Variants in PTPRD observed in about 807,000 individuals in gnomAD.
The protein encoded by PTPRD is protein tyrosine phosphatase receptor type D.
Under a neutral mutation model 214.5 loss-of-function variants are expected in PTPRD, and 34 were observed. The ratio of observed to expected loss-of-function variants is 0.16; its 90% CI spans 0.12 to 0.21. PTPRD has a LOEUF of 0.21. Among genes scored for constraint, PTPRD ranks in the 10% least tolerant of loss-of-function variants. The pLI, the probability that PTPRD is intolerant of heterozygous loss-of-function variation, is 1.00. For missense variants in PTPRD, 2,545 were observed against 2,398.7 expected, an observed-to-expected ratio of 1.06 and a Z score of -1.27; for synonymous variants, 1,128 against 845.7, an observed-to-expected ratio of 1.33 and a Z score of -5.79.
At chr9:9,892,556 G>A (rs967718679) in intron 5 of PTPRD, among the ~76,000 whole-genome samples, 1 of 152,096 alleles carries the variant, frequency 6.6e-6, no homozygotes, top group Non-Finnish European at 1.5e-5. Context: ...TTACTAGTAA[G>A]ATGGAAAAAC....
At chr9:10,480,904 A>C (rs2099093398) in intron 2 of PTPRD, among the ~76,000 whole-genome samples, 1 of 152,180 alleles carries the variant, frequency 6.6e-6, no homozygotes, top group Admixed American at 6.5e-5. Context: ...CCTGATAAAA[A>C]TGCTTAAACT....
Position 10,400,105 on chromosome 9 carries a change from A to G in PTPRD, c.-599-59088T>C, listed in dbSNP as rs964764046. Among the ~76,000 whole-genome samples the G allele has an allele frequency of 2.6e-5, 4 of 152,006 alleles. No individual in the cohort carries two copies. The East Asian group carries it at 7.8e-4, about 30-fold the overall frequency. On this transcript the variant is annotated intron_variant, in intron 2 of 45. Coordinates refer to ENST00000381196, the MANE Select transcript of PTPRD (RefSeq NM_002839.4). Reference sequence around the variant, plus strand: ...ATATAGTGGTTAAGCATGTGTTCACAGAAGCCAGAGGAAATACATTCAATT... The same window carrying G: ...ATATAGTGGTTAAGCATGTGTTCACGGAAGCCAGAGGAAATACATTCAATT...
intron 3 of PTPRD, among the ~76,000 whole-genome samples, chr9:10,314,354 A>T (rs1025814950): frequency 2.0e-5 from 3 of 151,944 alleles, no homozygotes; most frequent in Non-Finnish European, 2.9e-5. Flanking sequence ...TCACTTTTTT[A>T]CAGGTGAAGG....
chr9:9,594,650 C>T (rs1001038941), intron 7 of PTPRD, among the ~76,000 whole-genome samples: 1 of 152,082 alleles, frequency 6.6e-6, no homozygotes, highest in East Asian at 1.9e-4. Flanking sequence ...TTAACAGTAC[C>T]ATGCTGTTTT....
intron 7 of PTPRD, among the ~76,000 whole-genome samples, chr9:9,622,002 C>T: frequency 6.6e-6 from 1 of 152,168 alleles, no homozygotes; most frequent in East Asian, 1.9e-4. Flanking sequence ...GTCATCTCTA[C>T]AAAGTAAGAA....
chr9:9,043,262 T>C (rs545577704), intron 10 of PTPRD, among the ~76,000 whole-genome samples: 1 of 152,314 alleles, frequency 6.6e-6, no homozygotes, highest in Non-Finnish European at 1.5e-5. Context: ...GAAGTTTTGA[T>C]TAACATCTTG....
At chr9:9,028,882 A>AGT (rs2099595702) in intron 10 of PTPRD, among the ~76,000 whole-genome samples, 2 of 151,166 alleles carry the variant, frequency 1.3e-5, no homozygotes, top group South Asian at 4.2e-4. Context: ...TTTAATTACG[A>AGT]TCGAAGGAGA....
At chr9:10,148,131 G>A (rs868026780) in intron 3 of PTPRD, among the ~76,000 whole-genome samples, 1 of 152,094 alleles carries the variant, frequency 6.6e-6, no homozygotes, top group Admixed American at 6.6e-5. Context: ...ATGGCTATGA[G>A]ACAGCTATAC....
chr9:10,598,179 T>C lies in PTPRD; in HGVS notation c.-600+14219A>G, dbSNP rs1270207731. Among the ~76,000 whole-genome samples, 8 of 151,854 alleles carry C rather than the reference T, an allele frequency of 5.3e-5. 1 individual carries two copies. In the East Asian group the frequency reaches 1.2e-3, roughly 22 times the overall value. Reference sequence around the variant, plus strand: ...GTGAATTATAACTGTAGAGTATCAGTGTTGTTTTTGTTATTATTTGATTTT... The same window carrying C: ...GTGAATTATAACTGTAGAGTATCAGCGTTGTTTTTGTTATTATTTGATTTT... On this transcript the variant is annotated intron_variant, in intron 2 of 45. Coordinates refer to ENST00000381196, the MANE Select transcript of PTPRD (RefSeq NM_002839.4).
chr9:10,188,909 G>T (rs1335381306), intron 3 of PTPRD, among the ~76,000 whole-genome samples: 1 of 152,110 alleles, frequency 6.6e-6, no homozygotes, highest in Admixed American at 6.5e-5. Context: ...CTGGGGGTTG[G>T]GAATTTAACT....
intron 7 of PTPRD, among the ~76,000 whole-genome samples, chr9:9,700,870 T>C (rs1043999126): frequency 6.6e-6 from 1 of 152,078 alleles, no homozygotes. Flanking sequence ...GCTTCTGCCA[T>C]CAAATAACTG....
intron 3 of PTPRD, among the ~76,000 whole-genome samples, chr9:10,175,991 T>C (rs35804818): frequency 0.23 from 35,123 of 151,898 alleles, 4,097 homozygotes; most frequent in Middle Eastern, 0.33. Context: ...AAAACTAAAC[T>C]GCAAATGGCT....
At chr9:8,985,235 A>C (rs1438448348) in intron 11 of PTPRD, among the ~76,000 whole-genome samples, 1 of 152,128 alleles carries the variant, frequency 6.6e-6, no homozygotes, top group Non-Finnish European at 1.5e-5. Flanking sequence ...TACTAGGCAT[A>C]TGTATGCATT....
intron 12 of PTPRD, among the ~76,000 whole-genome samples, chr9:8,665,036 C>T (rs901205918): frequency 2.0e-5 from 3 of 152,102 alleles, no homozygotes; most frequent in Admixed American, 2.0e-4. Flanking sequence ...AGAGAATGCA[C>T]CTTGATTTTG....
chr9:8,350,191 G>T (rs964888414), intron 39 of PTPRD, among the ~76,000 whole-genome samples: 1 of 152,128 alleles, frequency 6.6e-6, no homozygotes, highest in East Asian at 1.9e-4. Context: ...GGCATACAGG[G>T]ACTGTTTTAT....
intron 11 of PTPRD, among the ~76,000 whole-genome samples, chr9:8,780,371 T>G (rs1213691968): frequency 6.7e-5 from 6 of 89,468 alleles, no homozygotes; most frequent in Admixed American, 1.2e-4. Flanking sequence ...GAGCTCAACC[T>G]GCGCTAGGCA....
At chr9:8,464,007 C>T (rs566474369) in intron 32 of PTPRD, among the ~76,000 whole-genome samples, 1 of 152,006 alleles carries the variant, frequency 6.6e-6, no homozygotes, top group African/African-American at 2.4e-5. Flanking sequence ...GGGGCAACTT[C>T]ATTAACAAAT....
At chr9:8,497,334 C>A in intron 25 of PTPRD, 66 bp from the exon 26 acceptor site, 5 of 1,366,676 alleles carry the variant, frequency 3.7e-6, no homozygotes, top group Non-Finnish European at 5.0e-6. Flanking sequence ...AAGCCTTATA[C>A]AGGCAGTGTT....
intron 5 of PTPRD, among the ~76,000 whole-genome samples, chr9:9,878,329 T>C (rs60842404): frequency 0.012 from 1,900 of 152,234 alleles, 39 homozygotes; most frequent in African/African-American, 0.043. Context: ...AGAGCTTACA[T>C]TGTAGTGGAA....
Sources: gnomAD v4.1 joint callset for allele counts (sites outside exome capture counted in the v4.1 genomes callset) on GRCh38, gnomAD v4.1.1 for gene constraint, MANE v1.5 for transcripts, NCBI Gene and HGNC (gene_info 2026-07-23, HGNC 2026-07-21) for gene names.